PDE3A: variants seen among roughly 807,000 people sequenced by gnomAD.
The protein encoded by PDE3A is cGMP-inhibited 3',5'-cyclic phosphodiesterase 3A.
PDE3A carries 43 observed loss-of-function variants against 98.3 expected under a neutral mutation model. That is an observed-to-expected ratio of 0.44 (90% CI 0.34 to 0.56). The LOEUF (loss-of-function observed/expected upper bound fraction) is 0.56. Among genes scored for constraint, PDE3A ranks in the 20% least tolerant of loss-of-function variants. The pLI is 0.01. For missense variants in PDE3A, 1,427 were observed against 1,440.7 expected, an observed-to-expected ratio of 0.99 and a Z score of 0.15; for synonymous variants, 663 against 567.9, an observed-to-expected ratio of 1.17 and a Z score of -2.38.
intron 5 of PDE3A, among the ~76,000 whole-genome samples, chr12:20,627,564 C>G (rs1301610636): frequency 1.3e-5 from 2 of 151,858 alleles, no homozygotes; most frequent in Non-Finnish European, 2.9e-5. Flanking sequence ...AAATTTTACC[C>G]ACCCCCACCC....
intron 1 of PDE3A, among the ~76,000 whole-genome samples, chr12:20,459,973 A>C (rs1227302958): frequency 6.6e-6 from 1 of 152,200 alleles, no homozygotes; most frequent in African/African-American, 2.4e-5. Flanking sequence ...CTTCTGCTGC[A>C]ATATTAAAAC....
chr12:20,543,839 G>C (rs981747434), intron 1 of PDE3A, among the ~76,000 whole-genome samples: 1 of 151,852 alleles, frequency 6.6e-6, no homozygotes, highest in African/African-American at 2.4e-5. Flanking sequence ...CTATGTACCA[G>C]GTATATAAGG....
intron 1 of PDE3A, among the ~76,000 whole-genome samples, chr12:20,481,827 C>T (rs188411684): frequency 1.2e-3 from 145 of 119,876 alleles, no homozygotes; most frequent in Non-Finnish European, 3.5e-4. Flanking sequence ...TGCAGGGGTG[C>T]GATCTCGGCT....
intron 9 of PDE3A, 57 bp from the exon 10 acceptor site, chr12:20,639,789 T>G: frequency 1.3e-6 from 1 of 778,746 alleles, no homozygotes; most frequent in Non-Finnish European, 2.3e-6. Context: ...ACCACTGTTC[T>G]CTTTATGTCT....
chr12:20,522,575 A>G (rs886197308), intron 1 of PDE3A, among the ~76,000 whole-genome samples: 38 of 152,106 alleles, frequency 2.5e-4, no homozygotes, highest in Non-Finnish European at 1.2e-4. Flanking sequence ...TGAGCACTTG[A>G]CTGATGTGAG....
chr12:20,480,468 T>C (rs145615724), intron 1 of PDE3A, among the ~76,000 whole-genome samples: 49 of 152,338 alleles, frequency 3.2e-4, no homozygotes, highest in African/African-American at 1.2e-3. Flanking sequence ...CATTGTATAA[T>C]TTAACATGAT....
At chr12:20,534,126 A>C (rs1941693419) in intron 1 of PDE3A, among the ~76,000 whole-genome samples, 1 of 152,134 alleles carries the variant, frequency 6.6e-6, no homozygotes, top group Non-Finnish European at 1.5e-5. Context: ...CTTTCCTCGC[A>C]CTGAGAAACA....
intron 1 of PDE3A, among the ~76,000 whole-genome samples, chr12:20,474,975 T>C (rs577320937): frequency 2.6e-5 from 4 of 152,216 alleles, no homozygotes; most frequent in African/African-American, 9.6e-5. Flanking sequence ...TTTTTTATTT[T>C]GGTGGAGATG....
At chr12:20,502,722 A>G (rs905222898) in intron 1 of PDE3A, among the ~76,000 whole-genome samples, 3 of 152,186 alleles carry the variant, frequency 2.0e-5, no homozygotes, top group African/African-American at 7.2e-5. Context: ...AAGACTATGT[A>G]TAAAGGAAAC....
chr12:20,484,240 A>C (rs556394663), intron 1 of PDE3A, among the ~76,000 whole-genome samples: 66 of 152,272 alleles, frequency 4.3e-4, no homozygotes, highest in Non-Finnish European at 7.5e-4. Flanking sequence ...TAGTTACTAT[A>C]ATTTCCTTGG....
intron 1 of PDE3A, among the ~76,000 whole-genome samples, chr12:20,396,514 A>C (rs1944021006): frequency 6.6e-6 from 1 of 152,310 alleles, no homozygotes; most frequent in East Asian, 1.9e-4. Flanking sequence ...TTCAATAGAA[A>C]TATAGAAAGC....
chr12:20,585,046 C>T (rs1943160000), intron 2 of PDE3A, among the ~76,000 whole-genome samples: 1 of 152,104 alleles, frequency 6.6e-6, no homozygotes, highest in African/African-American at 2.4e-5. Context: ...ACTAATAGTA[C>T]CTCAATCTTG....
chr12:20,646,796 C>T lies in PDE3A; in HGVS notation c.2411C>T (p.Ser804Leu). The change falls in exon 12 of 16, where the codon TCA (serine) becomes TTA (leucine). Residue 804 changes from serine to leucine, a missense_variant. This residue lies in a region of PDE3A where 273 missense variants were observed against 420.3 expected (regional missense o/e 0.65). Transcript: ENST00000359062. The part of the protein sequence containing the change: ...FTHGHMGYVF[S>L]KTYNVTDDKY... Reference sequence around the variant, plus strand: ...CATGGACATATGGGATATGTATTCTCAAAAACGTATAATGTGACAGATGAT... The same window carrying T: ...CATGGACATATGGGATATGTATTCTTAAAAACGTATAATGTGACAGATGAT... 6.2e-7 allele frequency: 1 copy of T among 1,611,330 alleles called. No homozygotes were observed. The highest frequency in any genetic ancestry group is 8.5e-7 in the Non-Finnish European group (1 of 1,177,548).
At chr12:20,534,752 A>G (rs1225299783) in intron 1 of PDE3A, among the ~76,000 whole-genome samples, 2 of 152,114 alleles carry the variant, frequency 1.3e-5, no homozygotes, top group Non-Finnish European at 2.9e-5. Context: ...TCTCCTTTTG[A>G]TGGATTTTCT....
intron 3 of PDE3A, 94 bp from the exon 4 acceptor site, chr12:20,616,136 A>C: frequency 1.8e-6 from 2 of 1,127,886 alleles, no homozygotes; most frequent in Non-Finnish European, 2.5e-6. Context: ...TAGTCAATTC[A>C]CTTCTAATTA....
chr12:20,482,233 T>C (rs894312632), intron 1 of PDE3A, among the ~76,000 whole-genome samples: 15 of 129,940 alleles, frequency 1.2e-4, no homozygotes, highest in Non-Finnish European at 2.2e-4. Flanking sequence ...CACATGTATT[T>C]TTTTTTCTGT....
chr12:20,446,580 T>C (rs1160222049), intron 1 of PDE3A, among the ~76,000 whole-genome samples: 2 of 152,136 alleles, frequency 1.3e-5, no homozygotes, highest in East Asian at 3.9e-4. Flanking sequence ...CTTATTCTCT[T>C]CTTGATTTGT....
intron 1 of PDE3A, among the ~76,000 whole-genome samples, chr12:20,385,694 AAAAC>A (rs1054393983): frequency 3.3e-5 from 5 of 151,564 alleles, no homozygotes; most frequent in African/African-American, 1.2e-4. Context: ...CAAGGACAAA[AAAAC>A]AAACACCACA....
chr12:20,552,228 C>A lies in PDE3A; in HGVS notation c.961-4432C>A, dbSNP rs1052158848. 15 of 1,613,800 alleles carry A rather than the reference C, an allele frequency of 9.3e-6. No individual in the cohort carries two copies. The highest frequency in any genetic ancestry group is 1.3e-5 in the African/African-American group (1 of 74,928). ...AGGACTGGCGGTCGGGGAAGCCGGTCAGGGTGGTGCGCAATGTCAAGGGTG... is the reference window on the plus strand; with the variant it reads ...AGGACTGGCGGTCGGGGAAGCCGGTAAGGGTGGTGCGCAATGTCAAGGGTG... On this transcript the variant is annotated intron_variant, in intron 1 of 15. Coordinates refer to ENST00000359062, the MANE Select transcript of PDE3A (RefSeq NM_000921.5). This position sits in a 1 kb window ranked among gnomAD's most constrained non-coding sequence, Gnocchi z 5.1.
Sources: allele counts gnomAD v4.1 joint callset (sites outside exome capture counted in the v4.1 genomes callset), GRCh38; gene constraint gnomAD v4.1.1; regional missense constraint gnomAD v4.1.1; non-coding constraint Gnocchi (gnomAD v3.1); transcripts MANE v1.5; gene names NCBI Gene and HGNC (gene_info 2026-07-23, HGNC 2026-07-21).